The following ADAM12 variants were observed in gnomAD, a reference collection of about 807,000 sequenced individuals.
ADAM12 encodes disintegrin and metalloproteinase domain-containing protein 12.
ADAM12 carries 70 observed loss-of-function variants against 106.4 expected under a neutral mutation model. That is an observed-to-expected ratio of 0.66 (90% CI 0.54 to 0.80). The LOEUF (loss-of-function observed/expected upper bound fraction) is 0.80, where lower values mean the gene tolerates loss of function less well. Among genes scored for constraint, ADAM12 ranks in the 30% least tolerant of loss-of-function variants. The pLI is 0.00. For missense variants in ADAM12, 1,010 were observed against 1,171.9 expected, an observed-to-expected ratio of 0.86 and a Z score of 2.02; for synonymous variants, 420 against 433.5, an observed-to-expected ratio of 0.97 and a Z score of 0.39.
chr10:126,246,349 A>G (rs1275791106), intron 3 of ADAM12, among the ~76,000 whole-genome samples: 1 of 152,206 alleles, frequency 6.6e-6, no homozygotes, highest in Non-Finnish European at 1.5e-5. Flanking sequence ...CCTCAGGAAA[A>G]TAGCCATAGA....
At chr10:126,318,820 C>T (rs1245079453) in intron 2 of ADAM12, among the ~76,000 whole-genome samples, 1 of 152,210 alleles carries the variant, frequency 6.6e-6, no homozygotes, top group African/African-American at 2.4e-5. Flanking sequence ...ATTTAATTGA[C>T]TCACAGTTCC....
chr10:126,150,787 C>T (rs567373932), intron 4 of ADAM12, among the ~76,000 whole-genome samples: 185 of 152,278 alleles, frequency 1.2e-3, no homozygotes, highest in African/African-American at 4.4e-3. Flanking sequence ...ACTGAACAGG[C>T]CATTCTGCTG....
intron 14 of ADAM12, among the ~76,000 whole-genome samples, chr10:126,054,910 G>A (rs935049622): frequency 3.9e-5 from 6 of 152,144 alleles, no homozygotes; most frequent in African/African-American, 1.2e-4. Flanking sequence ...GCCCCTGCTC[G>A]CATCACTTAC....
chr10:126,264,678 T>C (rs1186707249), intron 3 of ADAM12, among the ~76,000 whole-genome samples: 2 of 152,218 alleles, frequency 1.3e-5, no homozygotes, highest in Non-Finnish European at 2.9e-5. Context: ...ATTACGGCGA[T>C]TTTCCTTCAG....
chr10:126,166,234 T>A (rs1222118213), intron 3 of ADAM12, among the ~76,000 whole-genome samples: 1 of 152,198 alleles, frequency 6.6e-6, no homozygotes, highest in Non-Finnish European at 1.5e-5. Context: ...AGCCTATCTG[T>A]TCATGAGCGA....
intron 5 of ADAM12, among the ~76,000 whole-genome samples, chr10:126,120,445 A>G (rs1176851395): frequency 1.3e-5 from 2 of 152,150 alleles, no homozygotes; most frequent in South Asian, 2.1e-4. Context: ...AGAACATACA[A>G]TGGCCTGGGA....
intron 3 of ADAM12, among the ~76,000 whole-genome samples, chr10:126,260,281 T>C (rs1167044315): frequency 6.6e-6 from 1 of 152,186 alleles, no homozygotes; most frequent in Admixed American, 6.5e-5. Flanking sequence ...GGATACAAAT[T>C]AGCAATTTAA....
intron 3 of ADAM12, among the ~76,000 whole-genome samples, chr10:126,262,458 C>A (rs1392099508): frequency 6.6e-6 from 1 of 152,130 alleles, no homozygotes; most frequent in Non-Finnish European, 1.5e-5. Context: ...AGTCAGGATT[C>A]CTAGCCAAGC....
rs1427781228 is a variant in ADAM12 at position 126,014,336 on chromosome 10, T to TTTC, written c.*2942_*2943insGAA. 6.9e-6 allele frequency: 1 copy of TTTC among 144,518 alleles called. No homozygotes were observed. The highest frequency in any genetic ancestry group is 1.5e-5 in the Non-Finnish European group (1 of 65,884). 9.0% of individuals were successfully genotyped at this position (144,518 alleles called of 1,614,324 possible). A position where few individuals can be genotyped will look rare whatever the true frequency, so the allele number is the denominator to read the frequency against. On this transcript the variant is annotated 3_prime_UTR_variant, in exon 23 of 23. Coordinates refer to ENST00000448723, the MANE Select transcript of ADAM12 (RefSeq NM_001288973.2). ...CGGTTTTTTTTTTTTTTTTTTTTTT[T>TTTC]TGAGGATGCATTGATGTATTGATTT...
At chr10:126,134,367 A>G (rs1956366862) in intron 5 of ADAM12, among the ~76,000 whole-genome samples, 1 of 152,194 alleles carries the variant, frequency 6.6e-6, no homozygotes, top group East Asian at 1.9e-4. Context: ...ATGTGACTCT[A>G]TGTTTGTAAA....
chr10:126,379,355 G>A (rs2133932864), intron 1 of ADAM12, among the ~76,000 whole-genome samples: 1 of 152,268 alleles, frequency 6.6e-6, no homozygotes, highest in East Asian at 1.9e-4. Flanking sequence ...GGAATACTAT[G>A]CAGCCATGAA....
intron 3 of ADAM12, among the ~76,000 whole-genome samples, chr10:126,187,443 C>T (rs12251139): frequency 0.11 from 16,907 of 152,132 alleles, 1,265 homozygotes; most frequent in East Asian, 0.29. Context: ...CCAAGGAAAT[C>T]AAAATGCTGA....
At chr10:126,126,961 C>T (rs1284558227) in intron 5 of ADAM12, among the ~76,000 whole-genome samples, 4 of 152,032 alleles carry the variant, frequency 2.6e-5, no homozygotes, top group Non-Finnish European at 4.4e-5. Flanking sequence ...ACAGTGGGGC[C>T]TGGGGAGAGC....
At chr10:126,073,573 G>T (rs1955043201) in intron 11 of ADAM12, among the ~76,000 whole-genome samples, 1 of 152,096 alleles carries the variant, frequency 6.6e-6, no homozygotes, top group Non-Finnish European at 1.5e-5. Context: ...TCCCTTCTTT[G>T]CATCCATATG....
At chr10:126,189,639 TGACAAAGTGAG>T (rs1320633474) in intron 3 of ADAM12, among the ~76,000 whole-genome samples, 1 of 152,128 alleles carries the variant, frequency 6.6e-6, no homozygotes, top group East Asian at 1.9e-4. Context: ...ACTTTACAGA[TGACAAAGTGAG>T]GACAGATTGG....
chr10:126,198,506 C>T (rs144372776), intron 3 of ADAM12, among the ~76,000 whole-genome samples: 65 of 152,254 alleles, frequency 4.3e-4, no homozygotes, highest in Non-Finnish European at 7.8e-4. Context: ...GGTTTGTGGA[C>T]GCAAAATGTG....
chr10:126,130,514 C>A (rs7078202), intron 5 of ADAM12, among the ~76,000 whole-genome samples: 70 of 152,294 alleles, frequency 4.6e-4, no homozygotes, highest in African/African-American at 1.5e-3. Context: ...CCTGAAATCC[C>A]AGCTGCAAGG....
chr10:126,387,255 C>T (rs1489585348), intron 1 of ADAM12, among the ~76,000 whole-genome samples: 1 of 152,200 alleles, frequency 6.6e-6, no homozygotes, highest in African/African-American at 2.4e-5. Context: ...GGTGAGTCCT[C>T]ACTGTGCAAA....
intron 3 of ADAM12, among the ~76,000 whole-genome samples, chr10:126,251,566 G>A (rs1468062441): frequency 6.6e-6 from 1 of 152,254 alleles, no homozygotes; most frequent in African/African-American, 2.4e-5. Context: ...GGGTGGGATG[G>A]ATGGGATGGA....
Sources: gnomAD v4.1 joint callset for allele counts (sites outside exome capture counted in the v4.1 genomes callset) on GRCh38, gnomAD v4.1.1 for gene constraint, MANE v1.5 for transcripts, NCBI Gene and HGNC (gene_info 2026-07-23, HGNC 2026-07-21) for gene names.